Variants in KHDRBS2 observed in about 807,000 individuals in gnomAD.
KHDRBS2 encodes KH domain-containing, RNA-binding, signal transduction-associated protein 2.
Under a neutral mutation model 44.3 loss-of-function variants are expected in KHDRBS2, and 26 were observed. The observed-to-expected ratio is 0.59, with a 90% CI of 0.43 to 0.81. The LOEUF (loss-of-function observed/expected upper bound fraction) is 0.81. KHDRBS2 is among the 40% of genes least tolerant of loss of function. The pLI is 0.00. For synonymous variants in KHDRBS2, 194 were observed against 151.1 expected, an observed-to-expected ratio of 1.28 and a Z score of -2.08; for missense variants, 476 against 433.1, an observed-to-expected ratio of 1.10 and a Z score of -0.88.
intron 2 of KHDRBS2, among the ~76,000 whole-genome samples, chr6:62,071,830 T>A (rs1795184804): frequency 6.6e-6 from 1 of 152,200 alleles, no homozygotes; most frequent in South Asian, 2.1e-4. Context: ...GCGGGCTCTT[T>A]TTTTGTTCCA....
the KHDRBS2 span, among the ~76,000 whole-genome samples, chr6:61,626,266 T>C: frequency 6.6e-6 from 1 of 152,198 alleles, no homozygotes; most frequent in African/African-American, 2.4e-5. Flanking sequence ...AAAAACCATA[T>C]TTTTAATTTG....
In KHDRBS2 at chr6:61,732,867, C is replaced by A. The variant is rs1774717088; in HGVS notation, c.811-103G>T. 4.2e-6 allele frequency: 3 copies of A among 711,804 alleles called. No individual in the cohort carries two copies. In the South Asian group the frequency reaches 4.8e-5, roughly 11 times the overall value. 44.1% of individuals were successfully genotyped at this position (711,804 alleles called of 1,614,324 possible). A position where few individuals can be genotyped will look rare whatever the true frequency, so the allele number is the denominator to read the frequency against. Reference sequence around the variant, plus strand: ...TACAATGTGATCTTGGTTTAGATTTCATGTTGGGTAAGTATCCATATATCA... The same window carrying A: ...TACAATGTGATCTTGGTTTAGATTTAATGTTGGGTAAGTATCCATATATCA... On this transcript the variant is annotated intron_variant, in intron 6 of 8. Coordinates refer to ENST00000281156, the MANE Select transcript of KHDRBS2 (RefSeq NM_152688.4).
the KHDRBS2 span, among the ~76,000 whole-genome samples, chr6:61,550,930 G>A: frequency 0.17 from 25,306 of 151,520 alleles, 2,360 homozygotes; most frequent in East Asian, 0.29. Flanking sequence ...ATGCCACCAC[G>A]CCTGGCCAAT....
At position 61,848,512 on chromosome 6, in the gene KHDRBS2, TATATATGTATATATATATAC is replaced by T. The variant is rs1562294312; in HGVS notation, c.810+46103_810+46122del. Reference sequence around the variant, plus strand: ...ATATGTATATATATATATATATATGTATATATGTATATATATATACATATATATGTATATATATACATATA... The same window carrying T: ...ATATGTATATATATATATATATATGTATATATATGTATATATATACATATA... On this transcript the variant is annotated intron_variant, in intron 6 of 8. Transcript: ENST00000281156. Among the ~76,000 whole-genome samples, 99 of 50,918 alleles carry T rather than the reference TATATATGTATATATATATAC, an allele frequency of 1.9e-3. 8 individuals carry two copies. Among genetic ancestry groups the T allele is most frequent in the African/African-American group, 9.8e-3 (92 of 9,396 alleles). The allele number at this position is 50,918 out of a possible 152,430, so 33.4% of individuals were successfully genotyped here. A position where few individuals can be genotyped will look rare whatever the true frequency, so the allele number is the denominator to read the frequency against.
intron 4 of KHDRBS2, among the ~76,000 whole-genome samples, chr6:61,955,349 CATATATATGT>C (rs1766582172): frequency 9.9e-6 from 1 of 100,842 alleles, no homozygotes; most frequent in African/African-American, 4.5e-5. Flanking sequence ...TGTATGTATA[CATATATATGT>C]ATACATATAC....
chr6:62,059,198 GTTTTTTTTTTTTTTTTTTTTTT>G (rs398001756), intron 2 of KHDRBS2, among the ~76,000 whole-genome samples: 53 of 24,886 alleles, frequency 2.1e-3, no homozygotes, highest in African/African-American at 5.3e-3. Flanking sequence ...AAGTTAGGAA[GTTTTTTTTTTTTTTTTTTTTTT>G]TTTTTTTTTT....
At chr6:61,636,822 A>C in the KHDRBS2 span, among the ~76,000 whole-genome samples, 1 of 152,074 alleles carries the variant, frequency 6.6e-6, no homozygotes, top group Admixed American at 6.6e-5. Context: ...CTGTAGTAGA[A>C]TACAAGCCTT....
chr6:62,008,034 A>G (rs769533817), intron 3 of KHDRBS2, among the ~76,000 whole-genome samples: 10 of 152,198 alleles, frequency 6.6e-5, no homozygotes, highest in Non-Finnish European at 1.3e-4. Context: ...CCAAGCATTG[A>G]CTGTATGTAG....
chr6:61,995,873 A>G (rs1371577203), intron 3 of KHDRBS2, among the ~76,000 whole-genome samples: 1 of 152,190 alleles, frequency 6.6e-6, no homozygotes, highest in African/African-American at 2.4e-5. Flanking sequence ...CCTTAAATTT[A>G]TGTCTTTTAA....
intron 4 of KHDRBS2, among the ~76,000 whole-genome samples, chr6:61,969,927 T>G (rs1770969495): frequency 6.6e-6 from 1 of 151,968 alleles, no homozygotes; most frequent in Non-Finnish European, 1.5e-5. Flanking sequence ...GATGTTATTA[T>G]TCTTGGTATA....
intron 8 of KHDRBS2, among the ~76,000 whole-genome samples, chr6:61,681,687 TAAA>T (rs1210901122): frequency 2.0e-5 from 3 of 151,698 alleles, no homozygotes; most frequent in African/African-American, 7.3e-5. Flanking sequence ...ACTCAGTAAA[TAAA>T]GAAGTATTAG....
chr6:62,153,700 G>T (rs1018736826), intron 2 of KHDRBS2, among the ~76,000 whole-genome samples: 1 of 152,000 alleles, frequency 6.6e-6, no homozygotes, highest in Admixed American at 6.6e-5. Context: ...AGGGTGGTAG[G>T]GACCTAGGAG....
chr6:61,608,229 G>T, the KHDRBS2 span, among the ~76,000 whole-genome samples: 1 of 151,374 alleles, frequency 6.6e-6, no homozygotes, highest in Non-Finnish European at 1.5e-5. Flanking sequence ...ATTTCTGCTT[G>T]TTTTATATAT....
chr6:62,137,064 G>C (rs1019350322), intron 2 of KHDRBS2, among the ~76,000 whole-genome samples: 9 of 133,336 alleles, frequency 6.7e-5, no homozygotes, highest in Admixed American at 8.7e-5. Flanking sequence ...GCAGTGGCGC[G>C]ATCTCGGCTC....
At chr6:62,255,583 A>T (rs889870869) in intron 1 of KHDRBS2, among the ~76,000 whole-genome samples, 2 of 149,060 alleles carry the variant, frequency 1.3e-5, no homozygotes, top group Admixed American at 1.4e-4. Context: ...TGCTGTATTT[A>T]CCCTCATTCC....
Position 62,285,981 on chromosome 6 carries a change from G to C in KHDRBS2, c.-33C>G. On this transcript the variant is annotated 5_prime_UTR_variant, in exon 1 of 9. Transcript: ENST00000281156. ...ACTTCGGATTGTCCCCGGGCGAAGCGCGAGGTTCCGCTCGCTCGGACGCAG... is the reference window on the plus strand; with the variant it reads ...ACTTCGGATTGTCCCCGGGCGAAGCCCGAGGTTCCGCTCGCTCGGACGCAG... The C allele has an allele frequency of 7.3e-7, 1 of 1,366,608 alleles. No homozygotes were observed. 84.7% of individuals were successfully genotyped at this position (1,366,608 alleles called of 1,614,324 possible).
intron 4 of KHDRBS2, among the ~76,000 whole-genome samples, chr6:61,937,411 AGTT>A (rs1340457731): frequency 2.6e-5 from 4 of 152,070 alleles, no homozygotes; most frequent in African/African-American, 9.7e-5. Context: ...CTACTCTTCT[AGTT>A]GTTATTTCTA....
At chr6:62,098,592 T>C (rs1801173579) in intron 2 of KHDRBS2, among the ~76,000 whole-genome samples, 1 of 152,200 alleles carries the variant, frequency 6.6e-6, no homozygotes, top group Admixed American at 6.5e-5. Context: ...TCTTCGACCT[T>C]TGAGAGATCA....
intron 7 of KHDRBS2, among the ~76,000 whole-genome samples, chr6:61,700,077 G>A (rs1768407622): frequency 6.6e-6 from 1 of 151,776 alleles, no homozygotes; most frequent in Non-Finnish European, 1.5e-5. Flanking sequence ...TTAAGAGGTG[G>A]ACTTCATGAG....
Sources: gnomAD v4.1 joint callset for allele counts (sites outside exome capture counted in the v4.1 genomes callset) on GRCh38, gnomAD v4.1.1 for gene constraint, MANE v1.5 for transcripts, NCBI Gene and HGNC (gene_info 2026-07-23, HGNC 2026-07-21) for gene names.